The following RMND1 variants were observed in gnomAD, a reference collection of about 807,000 sequenced individuals.
The protein encoded by RMND1 is required for meiotic nuclear division 1 homolog.
In RMND1, 41 loss-of-function variants were observed where a neutral mutation model predicts 54.0. The ratio of observed to expected loss-of-function variants is 0.76; its 90% CI spans 0.59 to 0.98. RMND1 has a LOEUF of 0.98. Ranked by LOEUF, RMND1 falls within the 50% of genes least tolerant of loss-of-function variation. RMND1 has a pLI of 0.00. For missense variants in RMND1, 457 were observed against 532.0 expected, an observed-to-expected ratio of 0.86 and a Z score of 1.39; for synonymous variants, 183 against 181.7, an observed-to-expected ratio of 1.01 and a Z score of -0.06.
At chr6:151,421,512 A>G (rs1780149935) in intron 8 of RMND1, among the ~76,000 whole-genome samples, 191 bp from the exon 9 acceptor site, 1 of 152,106 alleles carries the variant, frequency 6.6e-6, no homozygotes, top group South Asian at 2.1e-4. Flanking sequence ...GAAATTGTAT[A>G]TTCTCTTTTT....
At chr6:151,433,098 C>T (rs1010032519) in intron 4 of RMND1, 57 bp downstream of exon 4, 107 of 1,071,484 alleles carry the variant, frequency 1.0e-4, no homozygotes, top group Non-Finnish European at 1.5e-4. Context: ...CCTTTAAAGA[C>T]CACAATTACT....
intron 10 of RMND1, among the ~76,000 whole-genome samples, chr6:151,415,271 A>C (rs1201843797): frequency 3.4e-5 from 5 of 149,232 alleles, no homozygotes; most frequent in African/African-American, 1.3e-4. Context: ...ATATAAAAGA[A>C]ATAAGAATTC....
rs1780331962 is a variant in RMND1, at chr6:151,427,365, G to A, written c.830+117C>T. Reference sequence around the variant, plus strand: ...CACTCCATCCTGGGCGACAGAGTGAGACTCCGTCTCAAAAAAAAAAAAAAA... The same window carrying A: ...CACTCCATCCTGGGCGACAGAGTGAAACTCCGTCTCAAAAAAAAAAAAAAA... On this transcript the variant is annotated intron_variant, in intron 6 of 11. Transcript: ENST00000444024. The A allele has an allele frequency of 4.0e-5, 22 of 556,376 alleles. 1 individual carries two copies. In the South Asian group the frequency reaches 4.4e-4, roughly 11 times the overall value. 34.5% of individuals were successfully genotyped at this position (556,376 alleles called of 1,614,324 possible).
At chr6:151,412,497 T>A (rs1167830592) in intron 10 of RMND1, among the ~76,000 whole-genome samples, 1 of 152,112 alleles carries the variant, frequency 6.6e-6, no homozygotes, top group Non-Finnish European at 1.5e-5. Context: ...AAAAATCACT[T>A]CTGTGATTAG....
Position 151,424,418 on chromosome 6 carries a change from A to G in RMND1, c.831-787T>C, listed in dbSNP as rs1191048472. ...GCGGAGCTTGCAGTAAGCCGAAATC[A>G]CGCCACTGCACTCCAGCCTGGGAGA... On this transcript the variant is annotated intron_variant, in intron 6 of 11. Transcript: ENST00000444024. Among the ~76,000 whole-genome samples, 395 of 151,354 alleles carry G rather than the reference A, an allele frequency of 2.6e-3. 3 individuals carry two copies. Among genetic ancestry groups the G allele is most frequent in the African/African-American group, 8.8e-3 (365 of 41,274 alleles).
rs1780492544 is a variant in RMND1, at chr6:151,433,145, C to T, written c.689+10G>A. 1 of 1,596,584 alleles carries T rather than the reference C, an allele frequency of 6.3e-7. No homozygotes were observed. The highest frequency in any genetic ancestry group is 1.1e-5 in the South Asian group (1 of 89,984). On this transcript the variant is annotated intron_variant, in intron 4 of 11. Transcript: ENST00000444024. Reference sequence around the variant, plus strand: ...CATCATCACCTAATGGGGTTTCTTTCCTGTCTTACCTGAAGAAGAATATTG... The same window carrying T: ...CATCATCACCTAATGGGGTTTCTTTTCTGTCTTACCTGAAGAAGAATATTG...
In RMND1 at chr6:151,430,005, TATC is replaced by T. The variant is rs1470706158; in HGVS notation, c.729+130_729+132del. On this transcript the variant is annotated intron_variant, in intron 5 of 11. Coordinates refer to ENST00000444024, the MANE Select transcript of RMND1 (RefSeq NM_017909.4). ...TATTTTGGAAGATGAAACTGATAAGTATCATGTAATGCAGAGCAAATAAGTTGT... is the reference window on the plus strand; with the variant it reads ...TATTTTGGAAGATGAAACTGATAAGTATGTAATGCAGAGCAAATAAGTTGT... 6.7e-5 allele frequency: 41 copies of T among 610,164 alleles called. 1 individual carries two copies. In the South Asian group the frequency reaches 8.4e-4, roughly 13 times the overall value. 37.8% of individuals were successfully genotyped at this position (610,164 alleles called of 1,614,324 possible).
intron 6 of RMND1, among the ~76,000 whole-genome samples, chr6:151,426,918 C>T (rs898355556): frequency 6.6e-6 from 1 of 151,478 alleles, no homozygotes; most frequent in Non-Finnish European, 1.5e-5. Context: ...TACAAGCACC[C>T]GCCACCATAA....
chr6:151,426,617 T>C (rs577158675), intron 6 of RMND1, among the ~76,000 whole-genome samples: 1 of 152,346 alleles, frequency 6.6e-6, no homozygotes, highest in East Asian at 1.9e-4. Flanking sequence ...TACTATTTTA[T>C]TGGATTAGGC....
chr6:151,419,355 G>A (rs1228152480), intron 9 of RMND1, among the ~76,000 whole-genome samples: 1 of 151,914 alleles, frequency 6.6e-6, no homozygotes. Flanking sequence ...GTGAGCCACC[G>A]TGCCTGGCCT....
At chr6:151,447,764 AGTTT>A (rs10542997) in intron 1 of RMND1, among the ~76,000 whole-genome samples, 50,723 of 150,330 alleles carry the variant, frequency 0.34, 9,238 homozygotes, top group East Asian at 0.54. Flanking sequence ...ATATTTTAGA[AGTTT>A]GTCTACAGTC....
At chr6:151,438,835 A>G (rs545733704) in intron 2 of RMND1, among the ~76,000 whole-genome samples, 4 of 151,606 alleles carry the variant, frequency 2.6e-5, no homozygotes, top group African/African-American at 7.3e-5. Context: ...AAACCTTGGC[A>G]AGGCCCAATG....
chr6:151,438,107 A>G (rs140853746), intron 2 of RMND1, among the ~76,000 whole-genome samples: 1,545 of 152,350 alleles, frequency 0.01, 31 homozygotes, highest in African/African-American at 0.035. Flanking sequence ...AGGAGTTACC[A>G]GAGTACAGGG....
chr6:151,447,350 A>G (rs1780986076), intron 1 of RMND1, among the ~76,000 whole-genome samples: 1 of 152,330 alleles, frequency 6.6e-6, no homozygotes, highest in East Asian at 1.9e-4. Flanking sequence ...GATGATATGT[A>G]GGAGGAAACA....
At chr6:151,421,463 G>A (rs1780149118) in intron 8 of RMND1, 142 bp from the exon 9 acceptor site, 1 of 586,160 alleles carries the variant, frequency 1.7e-6, no homozygotes, top group South Asian at 2.3e-5. Flanking sequence ...CCAGATTAAT[G>A]TCTTAACTCA....
chr6:151,425,567 G>A (rs1338032925), intron 6 of RMND1, among the ~76,000 whole-genome samples: 1 of 152,150 alleles, frequency 6.6e-6, no homozygotes, highest in Non-Finnish European at 1.5e-5. Flanking sequence ...ACAGAAAGGG[G>A]ATTCACAGGA....
chr6:151,410,415 T>A (rs1345737825), intron 10 of RMND1, among the ~76,000 whole-genome samples: 2 of 152,144 alleles, frequency 1.3e-5, no homozygotes, highest in African/African-American at 4.8e-5. Flanking sequence ...CAATTCTTAC[T>A]TTTCTTTTGT....
rs537048451 is a variant in RMND1, at chr6:151,425,185, T to C, written c.831-1554A>G. Among the ~76,000 whole-genome samples, 5 of 152,254 alleles carry C rather than the reference T, an allele frequency of 3.3e-5. No individual in the cohort carries two copies. In the South Asian group the frequency reaches 1.0e-3, roughly 32 times the overall value. ...CTTGAACTCCTGACCTCAAGTGATC[T>C]GCCCGCCTTGGCCTCTCAAAGTGTT... On this transcript the variant is annotated intron_variant, in intron 6 of 11. Coordinates refer to ENST00000444024, the MANE Select transcript of RMND1 (RefSeq NM_017909.4).
intron 3 of RMND1, among the ~76,000 whole-genome samples, chr6:151,434,894 G>A (rs552914968): frequency 6.7e-4 from 102 of 152,294 alleles, no homozygotes; most frequent in African/African-American, 2.3e-3. Flanking sequence ...TGTCACCCAG[G>A]CTGGAGTGCA....
Sources: allele counts gnomAD v4.1 joint callset (sites outside exome capture counted in the v4.1 genomes callset), GRCh38; gene constraint gnomAD v4.1.1; transcripts MANE v1.5; gene names NCBI Gene and HGNC (gene_info 2026-07-23, HGNC 2026-07-21).